The following WWOX variants were observed in gnomAD, a reference collection of about 807,000 sequenced individuals.
The protein encoded by WWOX is WW domain-containing oxidoreductase.
In WWOX, 69 loss-of-function variants were observed where a neutral mutation model predicts 46.2. The ratio of observed to expected loss-of-function variants is 1.49; its 90% confidence interval spans 1.23 to 1.82. The LOEUF (loss-of-function observed/expected upper bound fraction) is 1.82. Among genes scored for constraint, WWOX ranks in the 40% most tolerant of loss-of-function variants. The pLI, the probability that WWOX is intolerant of heterozygous loss-of-function variation, is 0.00. For synonymous variants in WWOX, 359 were observed against 202.6 expected, an observed-to-expected ratio of 1.77 and a Z score of -6.56; for missense variants, 919 against 542.6, an observed-to-expected ratio of 1.69 and a Z score of -6.89.
At chr16:78,306,778 C>T (rs1029070787) in intron 5 of WWOX, among the ~76,000 whole-genome samples, 5 of 151,872 alleles carry the variant, frequency 3.3e-5, no homozygotes, top group African/African-American at 4.8e-5. Flanking sequence ...AAATCTCACT[C>T]CTTCCCACAA....
intron 8 of WWOX, among the ~76,000 whole-genome samples, chr16:79,188,151 C>G (rs2051056985): frequency 6.6e-6 from 1 of 152,114 alleles, no homozygotes; most frequent in Non-Finnish European, 1.5e-5. Flanking sequence ...CAGAAGAAAA[C>G]CCACGAAGTC....
chr16:79,131,795 G>C (rs2049883830), intron 8 of WWOX, among the ~76,000 whole-genome samples: 1 of 152,126 alleles, frequency 6.6e-6, no homozygotes, highest in Non-Finnish European at 1.5e-5. Flanking sequence ...AGCCTGGGAA[G>C]AAAAATCGGT....
intron 8 of WWOX, among the ~76,000 whole-genome samples, chr16:79,062,245 G>T (rs758366297): frequency 2.0e-5 from 3 of 152,238 alleles, no homozygotes; most frequent in Middle Eastern, 3.4e-3. Flanking sequence ...ACCATAATGG[G>T]ACATATCATT....
At chr16:78,283,052 G>C (rs1258192605) in intron 5 of WWOX, among the ~76,000 whole-genome samples, 1 of 152,108 alleles carries the variant, frequency 6.6e-6, no homozygotes, top group Non-Finnish European at 1.5e-5. Context: ...CGATGAGCCA[G>C]TGTCTGCTGG....
intron 8 of WWOX, among the ~76,000 whole-genome samples, chr16:78,879,595 T>C (rs979694035): frequency 1.3e-5 from 2 of 152,294 alleles, no homozygotes; most frequent in East Asian, 3.9e-4. Context: ...AAGGAATTCC[T>C]GGCTGGGCAT....
chr16:78,587,944 A>C (rs2045257309), intron 8 of WWOX, among the ~76,000 whole-genome samples: 1 of 152,190 alleles, frequency 6.6e-6, no homozygotes, highest in Admixed American at 6.5e-5. Context: ...ATTGGAAATG[A>C]TGGCAGTGGT....
intron 8 of WWOX, among the ~76,000 whole-genome samples, chr16:79,047,025 AT>A (rs897971726): frequency 5.3e-5 from 8 of 152,318 alleles, no homozygotes; most frequent in Admixed American, 4.6e-4. Flanking sequence ...TTTATCAGAA[AT>A]TTGCAAAGCC....
chr16:78,758,730 G>T (rs575090069), intron 8 of WWOX, among the ~76,000 whole-genome samples: 1 of 152,142 alleles, frequency 6.6e-6, no homozygotes, highest in African/African-American at 2.4e-5. Flanking sequence ...ATTGATAAAT[G>T]GAGTTAAAAA....
intron 8 of WWOX, among the ~76,000 whole-genome samples, chr16:78,474,607 C>A (rs1483808153): frequency 1.3e-5 from 2 of 152,154 alleles, no homozygotes; most frequent in Admixed American, 6.5e-5. Flanking sequence ...ACATGCTATA[C>A]AATTCATGCA....
At chr16:78,185,585 G>A (rs1389177141) in intron 5 of WWOX, among the ~76,000 whole-genome samples, 1 of 151,974 alleles carries the variant, frequency 6.6e-6, no homozygotes, top group African/African-American at 2.4e-5. Context: ...TCACCATGAA[G>A]TAGGCATGAA....
rs575473994 is a variant in WWOX, at chr16:78,433,810, G to A, written c.1056+1058G>A. Among the ~76,000 whole-genome samples, 635 of 80,512 alleles carry A rather than the reference G, an allele frequency of 7.9e-3. 5 individuals are homozygous for A. The highest frequency in any genetic ancestry group is 0.013 in the South Asian group (29 of 2,320). The allele number at this position is 80,512 out of a possible 152,430, so 52.8% of individuals were successfully genotyped here. On this transcript the variant is annotated intron_variant, in intron 8 of 8. Coordinates refer to ENST00000566780, the MANE Select transcript of WWOX (RefSeq NM_016373.4). ...TTTTTTTTTTTTTTTTTTTTTTTGA[G>A]ACGGAGTCTCGCTCTGTCGCCCAGG...
At chr16:78,225,521 C>G (rs1294397315) in intron 5 of WWOX, among the ~76,000 whole-genome samples, 1 of 152,134 alleles carries the variant, frequency 6.6e-6, no homozygotes, top group African/African-American at 2.4e-5. Flanking sequence ...CTTTAAAAAT[C>G]CTTCTCCATG....
intron 8 of WWOX, among the ~76,000 whole-genome samples, chr16:78,965,913 G>A (rs1288429653): frequency 2.0e-5 from 3 of 152,164 alleles, no homozygotes; most frequent in Admixed American, 6.5e-5. Context: ...ACAATTGGAC[G>A]AAATGGGTGA....
At chr16:78,598,446 G>T (rs78431898) in intron 8 of WWOX, among the ~76,000 whole-genome samples, 2,286 of 152,156 alleles carry the variant, frequency 0.015, 42 homozygotes, top group East Asian at 0.069. Context: ...CTTTCCCCCC[G>T]CCCTGGCCCC....
intron 6 of WWOX, among the ~76,000 whole-genome samples, chr16:78,403,777 G>A (rs930451008): frequency 6.6e-6 from 1 of 152,170 alleles, no homozygotes; most frequent in Non-Finnish European, 1.5e-5. Flanking sequence ...GTTCTGCCTA[G>A]GCATTGTCAA....
chr16:79,180,017 T>C (rs914163761), intron 8 of WWOX, among the ~76,000 whole-genome samples: 7 of 152,080 alleles, frequency 4.6e-5, no homozygotes, highest in African/African-American at 1.7e-4. Flanking sequence ...CCTTATCCCA[T>C]AGAAGATGGT....
intron 8 of WWOX, among the ~76,000 whole-genome samples, chr16:78,522,781 C>G (rs939878035): frequency 7.2e-5 from 11 of 152,152 alleles, no homozygotes; most frequent in African/African-American, 2.7e-4. Context: ...GGTTAAAAAT[C>G]TAACAGTGGG....
chr16:78,335,475 A>G (rs1179996110), intron 5 of WWOX, among the ~76,000 whole-genome samples: 1 of 152,110 alleles, frequency 6.6e-6, no homozygotes, highest in African/African-American at 2.4e-5. Context: ...TTTTATGATT[A>G]TATAATATTC....
At chr16:78,826,838 C>A (rs1041738065) in intron 8 of WWOX, among the ~76,000 whole-genome samples, 1 of 152,180 alleles carries the variant, frequency 6.6e-6, no homozygotes, top group Non-Finnish European at 1.5e-5. Flanking sequence ...AGCTGTGTGA[C>A]AATTCTGGAT....
Sources: gnomAD v4.1 joint callset for allele counts (sites outside exome capture counted in the v4.1 genomes callset) on GRCh38, gnomAD v4.1.1 for gene constraint, MANE v1.5 for transcripts, NCBI Gene and HGNC (gene_info 2026-07-23, HGNC 2026-07-21) for gene names.